DMD: variants seen among roughly 807,000 people sequenced by gnomAD.
DMD encodes dystrophin.
DMD carries 63 observed loss-of-function variants against 330.1 expected under a neutral mutation model. The observed-to-expected ratio is 0.19, with a 90% CI of 0.16 to 0.24. The LOEUF (loss-of-function observed/expected upper bound fraction) is 0.24. DMD is among the 10% of genes least tolerant of loss of function. DMD has a pLI of 1.00. For missense variants in DMD, 3,344 were observed against 2,684.1 expected, an observed-to-expected ratio of 1.25 and a Z score of -5.43; for synonymous variants, 1,223 against 959.8, an observed-to-expected ratio of 1.27 and a Z score of -5.07.
intron 50 of DMD, among the ~76,000 whole-genome samples, chrX:31,788,136 T>C (rs931979723): frequency 1.8e-5 from 2 of 112,029 alleles, no homozygotes; most frequent in Non-Finnish European, 3.8e-5. Flanking sequence ...TGGACTTGAA[T>C]CTCATTGTCT....
intron 47 of DMD, among the ~76,000 whole-genome samples, chrX:31,905,173 T>C (rs2094464331): frequency 8.9e-6 from 1 of 112,065 alleles, no homozygotes; most frequent in African/African-American, 3.2e-5. Context: ...AGAACAGTGA[T>C]AAAGATGAAT....
At position 32,387,308 on chromosome X, in the gene DMD, A is replaced by G. The variant is rs1049014345; in HGVS notation, c.4519-843T>C. ...TTTGCTTTGTAGTTTTCCTAGAAAT[A>G]TATGTCTTTGTATGTATGTGGCCAT... On this transcript the variant is annotated intron_variant, in intron 32 of 78. Transcript: ENST00000357033. Among the ~76,000 whole-genome samples the G allele has an allele frequency of 4.5e-5, 5 of 111,146 alleles. No individual in the cohort carries two copies. The Admixed American group carries it at 4.8e-4, about 11-fold the overall frequency.
At chrX:31,158,140 T>A (rs938234513) in intron 74 of DMD, among the ~76,000 whole-genome samples, 1 of 111,546 alleles carries the variant, frequency 9.0e-6, no homozygotes, top group African/African-American at 3.3e-5. Flanking sequence ...CCGGTACTTG[T>A]ACATGAATGT....
Position 31,479,967 on chromosome X carries a change from T to C in DMD, c.8548-864A>G, listed in dbSNP as rs769936218. On this transcript the variant is annotated intron_variant, in intron 57 of 78. Transcript: ENST00000357033. Reference sequence around the variant, plus strand: ...TAACCTAACGGATACTCTGACACCATTGAAGAGAGTTATTGACCCAGATTC... The same window carrying C: ...TAACCTAACGGATACTCTGACACCACTGAAGAGAGTTATTGACCCAGATTC... Among the ~76,000 whole-genome samples, 8 of 111,953 alleles carry C rather than the reference T, an allele frequency of 7.1e-5. No homozygotes were observed. In the East Asian group the frequency reaches 8.3e-4, roughly 12 times the overall value.
chrX:31,903,398 T>C (rs1306165590), intron 47 of DMD, among the ~76,000 whole-genome samples: 9 of 111,785 alleles, frequency 8.1e-5, no homozygotes, highest in Non-Finnish European at 1.7e-4. Context: ...AAAAAACTGA[T>C]TAAACTTTGA....
At chrX:33,205,400 A>G (rs963460482) in intron 1 of DMD, among the ~76,000 whole-genome samples, 3 of 111,735 alleles carry the variant, frequency 2.7e-5, no homozygotes, top group African/African-American at 9.8e-5. Context: ...TATTTCTTTA[A>G]TTTTTCCTCA....
At chrX:32,983,991 G>C (rs763670316) in intron 2 of DMD, among the ~76,000 whole-genome samples, 6 of 111,151 alleles carry the variant, frequency 5.4e-5, no homozygotes, top group African/African-American at 1.6e-4. Flanking sequence ...TATCTTCAAA[G>C]CGTCTTTTCT....
intron 44 of DMD, among the ~76,000 whole-genome samples, chrX:32,012,412 T>C (rs1279460490): frequency 8.9e-6 from 1 of 111,996 alleles, no homozygotes. Context: ...TCTTCCATTA[T>C]TGTGCCTCAG....
At chrX:31,281,828 T>C (rs1184997551) in intron 62 of DMD, among the ~76,000 whole-genome samples, 1 of 112,115 alleles carries the variant, frequency 8.9e-6, no homozygotes, top group East Asian at 2.8e-4. Flanking sequence ...CCCATAAAGC[T>C]GAGTAACATT....
chrX:31,881,376 C>G (rs1261045386), intron 47 of DMD, among the ~76,000 whole-genome samples: 1 of 96,154 alleles, frequency 1.0e-5, no homozygotes, highest in African/African-American at 3.9e-5. Context: ...CACGGTGAAA[C>G]CCCATCTCTA....
intron 56 of DMD, among the ~76,000 whole-genome samples, chrX:31,499,786 C>A (rs2070259745): frequency 8.9e-6 from 1 of 111,862 alleles, no homozygotes; most frequent in African/African-American, 3.3e-5. Flanking sequence ...AGCTACCACA[C>A]CCAGCCGGGA....
chrX:31,983,978 C>T (rs2095493610), intron 44 of DMD, among the ~76,000 whole-genome samples: 1 of 111,454 alleles, frequency 9.0e-6, no homozygotes, highest in Non-Finnish European at 1.9e-5. Context: ...TCGGTACTGG[C>T]TCTTTTCTGA....
chrX:32,835,300 T>C (rs1650809891), intron 4 of DMD, among the ~76,000 whole-genome samples: 1 of 112,124 alleles, frequency 8.9e-6, no homozygotes, highest in African/African-American at 3.2e-5. Flanking sequence ...GGATTTGCTT[T>C]ACCTTCAAAA....
At chrX:31,598,179 C>T (rs1027067649) in intron 55 of DMD, among the ~76,000 whole-genome samples, 2 of 110,296 alleles carry the variant, frequency 1.8e-5, no homozygotes, top group African/African-American at 6.6e-5. Context: ...AGCATAGTCA[C>T]AGCTCCCTGC....
intron 44 of DMD, among the ~76,000 whole-genome samples, chrX:32,204,444 T>C (rs1336956123): frequency 1.8e-5 from 2 of 112,044 alleles, no homozygotes; most frequent in East Asian, 5.6e-4. Context: ...CATCTTTCTG[T>C]GTATATTCTT....
intron 50 of DMD, among the ~76,000 whole-genome samples, chrX:31,812,318 CA>C (rs2092482769): frequency 9.7e-6 from 1 of 103,029 alleles, no homozygotes; most frequent in African/African-American, 3.6e-5. Flanking sequence ...ATCGCAAGGA[CA>C]AAAAACCAAA....
chrX:33,339,303 G>C, exon 1 of DMD: 1 of 1,024,289 alleles, frequency 9.8e-7, no homozygotes, highest in Non-Finnish European at 1.3e-6. Context: ...ATGCCAATAA[G>C]TTGGCTGCTG....
intron 1 of DMD, among the ~76,000 whole-genome samples, chrX:33,319,167 C>G (rs1211323545): frequency 1.8e-5 from 2 of 110,689 alleles, no homozygotes; most frequent in African/African-American, 6.6e-5. Context: ...CTTGGACTTC[C>G]CAGCCTCCAG....
chrX:31,780,443 T>C lies in DMD; in HGVS notation c.7310-6251A>G, dbSNP rs924528409. On this transcript the variant is annotated intron_variant, in intron 50 of 78. Transcript: ENST00000357033. ...TTCCATGTCAACAGGAGAGCAATGT[T>C]ATATGTGATCAAATTGCATTACTAT... 5.3e-5 allele frequency among the ~76,000 whole-genome samples: 6 copies of C among 112,376 alleles called. No homozygotes were observed. The Admixed American group carries it at 5.7e-4, about 11-fold the overall frequency.
Sources: allele counts gnomAD v4.1 joint callset (sites outside exome capture counted in the v4.1 genomes callset), GRCh38; gene constraint gnomAD v4.1.1; transcripts MANE v1.5; gene names NCBI Gene and HGNC (gene_info 2026-07-23, HGNC 2026-07-21).